DCC: variants seen among roughly 807,000 people sequenced by gnomAD.
DCC encodes the protein netrin receptor DCC.
Under a neutral mutation model 172.5 loss-of-function variants are expected in DCC, and 58 were observed. The ratio of observed to expected loss-of-function variants is 0.34; its 90% CI spans 0.27 to 0.42. The LOEUF is 0.42. DCC is among the 10% of genes least tolerant of loss of function. The pLI, the probability that DCC is intolerant of heterozygous loss-of-function variation, is 1.00. For missense variants in DCC, 1,740 were observed against 1,791.0 expected, an observed-to-expected ratio of 0.97 and a Z score of 0.51; for synonymous variants, 709 against 644.5, an observed-to-expected ratio of 1.10 and a Z score of -1.52.
At chr18:52,695,906 G>C (rs751051816) in intron 1 of DCC, among the ~76,000 whole-genome samples, 1 of 152,150 alleles carries the variant, frequency 6.6e-6, no homozygotes, top group African/African-American at 2.4e-5. Flanking sequence ...TGGGACCCAG[G>C]TGTCTGGCAG....
Position 52,752,267 on chromosome 18 carries a change from T to C in DCC, c.305T>C (p.Ile102Thr), listed in dbSNP as rs1368139352. 6.2e-7 allele frequency: 1 copy of C among 1,614,062 alleles called. No individual in the cohort carries two copies. Among genetic ancestry groups the C allele is most frequent in the Non-Finnish European group, 8.5e-7 (1 of 1,180,048 alleles). Residue 102 changes from isoleucine to threonine, a missense_variant, in exon 2 of 29, where the codon ATA becomes ACA. This residue lies in a region of DCC where 1,732 missense variants were observed against 1,767.4 expected (regional missense o/e 0.98). Coordinates refer to ENST00000442544, the MANE Select transcript of DCC (RefSeq NM_005215.4). ...LSNGSLLIQN[I>T]LHSRHHKPDE... ...AATGGGTCTCTGCTGATACAAAACA[T>C]ACTTCATTCCAGACACCACAAGCCA...
intron 1 of DCC, among the ~76,000 whole-genome samples, chr18:52,666,105 G>A (rs1394035942): frequency 4.6e-5 from 7 of 152,016 alleles, no homozygotes; most frequent in East Asian, 3.9e-4. Context: ...TGGCCAACAC[G>A]GTGAAACCCT....
At chr18:52,750,079 A>C (rs2036971299) in intron 1 of DCC, among the ~76,000 whole-genome samples, 1 of 152,110 alleles carries the variant, frequency 6.6e-6, no homozygotes, top group Admixed American at 6.5e-5. Context: ...TTTTCAGCAA[A>C]ATCAGCCTTA....
At chr18:53,181,925 C>T (rs921184936) in intron 9 of DCC, among the ~76,000 whole-genome samples, 7 of 152,124 alleles carry the variant, frequency 4.6e-5, no homozygotes, top group African/African-American at 1.7e-4. Flanking sequence ...ATTTCTTATG[C>T]CCAGATCATA....
chr18:52,672,368 A>G (rs1168603163), intron 1 of DCC, among the ~76,000 whole-genome samples: 2 of 152,174 alleles, frequency 1.3e-5, no homozygotes, highest in African/African-American at 2.4e-5. Flanking sequence ...AAATCCAACT[A>G]TCTGAATCTT....
At chr18:53,511,418 T>C (rs114590718) in intron 27 of DCC, among the ~76,000 whole-genome samples, 2,935 of 152,274 alleles carry the variant, frequency 0.019, 92 homozygotes, top group African/African-American at 0.066. Context: ...GCTTAACAAA[T>C]GCAATTCTTG....
Position 53,351,457 on chromosome 18 carries a change from ACACAGTGTG to A in DCC, c.2359+11551_2359+11559del, listed in dbSNP as rs1301348293. The stretch of plus-strand genomic sequence containing the variant: ...ATATATACAGTGTATATATATATAT[ACACAGTGTG>A]TATATATATATATATATATATATAG... On this transcript the variant is annotated intron_variant, in intron 15 of 28. Transcript: ENST00000442544. Among the ~76,000 whole-genome samples, 32 of 38,552 alleles carry A rather than the reference ACACAGTGTG, an allele frequency of 8.3e-4. 1 individual carries two copies. The highest frequency in any genetic ancestry group is 6.8e-3 in the East Asian group (9 of 1,322). 25.3% of individuals were successfully genotyped at this position (38,552 alleles called of 152,430 possible).
intron 1 of DCC, among the ~76,000 whole-genome samples, chr18:52,522,076 C>G (rs1000757971): frequency 6.6e-6 from 1 of 152,092 alleles, no homozygotes; most frequent in African/African-American, 2.4e-5. Flanking sequence ...AGTTGAAAAA[C>G]TGAGAGATAG....
chr18:53,499,071 A>G (rs1161723545), intron 26 of DCC, among the ~76,000 whole-genome samples: 2 of 152,196 alleles, frequency 1.3e-5, no homozygotes, highest in Admixed American at 1.3e-4. Flanking sequence ...TTCTTTCTCA[A>G]AGATAAATTC....
At chr18:53,069,220 A>C (rs997614419) in intron 7 of DCC, among the ~76,000 whole-genome samples, 2 of 152,210 alleles carry the variant, frequency 1.3e-5, no homozygotes, top group Non-Finnish European at 1.5e-5. Context: ...AAGAGGGGTT[A>C]ATCAGAAGCC....
intron 17 of DCC, among the ~76,000 whole-genome samples, chr18:53,395,015 G>C (rs756441317): frequency 1.3e-5 from 2 of 151,720 alleles, no homozygotes; most frequent in Non-Finnish European, 2.9e-5. Context: ...GTGGTGGGGG[G>C]GCGGGGCGCC....
At chr18:52,548,947 C>G (rs1238226815) in intron 1 of DCC, among the ~76,000 whole-genome samples, 1 of 152,090 alleles carries the variant, frequency 6.6e-6, no homozygotes, top group African/African-American at 2.4e-5. Flanking sequence ...TTTGACTATA[C>G]TTGGATCTAA....
At position 52,584,693 on chromosome 18, in the gene DCC, C is replaced by A. The variant is rs150811946; in HGVS notation, c.92-167361C>A. Among the ~76,000 whole-genome samples, 43 of 151,884 alleles carry A rather than the reference C, an allele frequency of 2.8e-4. 1 individual carries two copies. The East Asian group carries it at 7.7e-3, about 27-fold the overall frequency. ...TGGGACTACAGGCACACATGCACCA[C>A]CATGCCCAGATAATTTTTTTTTTTT... On this transcript the variant is annotated intron_variant, in intron 1 of 28. Transcript: ENST00000442544.
intron 1 of DCC, among the ~76,000 whole-genome samples, chr18:52,620,178 A>G (rs1021591716): frequency 6.6e-6 from 1 of 152,222 alleles, no homozygotes; most frequent in Non-Finnish European, 1.5e-5. Flanking sequence ...TATCTAACTT[A>G]GTTTTATGAC....
chr18:52,348,577 T>C (rs1055653245), intron 1 of DCC, among the ~76,000 whole-genome samples: 1 of 152,238 alleles, frequency 6.6e-6, no homozygotes, highest in African/African-American at 2.4e-5. Flanking sequence ...ATTTGTTAGC[T>C]ATTTGTGATG....
intron 22 of DCC, among the ~76,000 whole-genome samples, chr18:53,446,153 A>G (rs1452595108): frequency 6.7e-6 from 1 of 149,292 alleles, no homozygotes; most frequent in African/African-American, 2.4e-5. Flanking sequence ...GGATGGTGGC[A>G]TGCACCTCTG....
chr18:53,449,926 G>GA (rs932710716), intron 22 of DCC, among the ~76,000 whole-genome samples: 1 of 151,872 alleles, frequency 6.6e-6, no homozygotes, highest in African/African-American at 2.4e-5. Flanking sequence ...CCATCCACTG[G>GA]AAAACACCAG....
In DCC at chr18:52,484,950, C is replaced by G. The variant is rs77854583; in HGVS notation, c.91+144072C>G. On this transcript the variant is annotated intron_variant, in intron 1 of 28. Coordinates refer to ENST00000442544, the MANE Select transcript of DCC (RefSeq NM_005215.4). ...ATATTTTTCTGGAGACCAGGCTTTC[C>G]TGTCCAAGAAATTGTTTTAAAATCA... Among the ~76,000 whole-genome samples the G allele has an allele frequency of 4.5e-4, 68 of 152,184 alleles. No individual in the cohort carries two copies. The East Asian group carries it at 0.013, about 29-fold the overall frequency.
rs34457182 is a variant in DCC, at chr18:52,929,817, A to AACACACACACAC, written c.985+4482_985+4493dup. ...ATAATCCAAAGACCTGGACTTTGCA[A>AACACACACACAC]ACACACACACACACACACACACACA... On this transcript the variant is annotated intron_variant, in intron 5 of 28. Transcript: ENST00000442544. Among the ~76,000 whole-genome samples, 1,198 of 144,840 alleles carry AACACACACACAC rather than the reference A, an allele frequency of 8.3e-3. 5 individuals carry two copies. Among genetic ancestry groups the AACACACACACAC allele is most frequent in the African/African-American group, 9.9e-3 (387 of 38,978 alleles).
Sources: allele counts gnomAD v4.1 joint callset (sites outside exome capture counted in the v4.1 genomes callset), GRCh38; gene constraint gnomAD v4.1.1; regional missense constraint gnomAD v4.1.1; transcripts MANE v1.5; gene names NCBI Gene and HGNC (gene_info 2026-07-23, HGNC 2026-07-21).